Variants in UNC5B observed in about 807,000 individuals in gnomAD.
UNC5B encodes the protein netrin receptor UNC5B.
In UNC5B, 56 loss-of-function variants were observed where a neutral mutation model predicts 103.7. The observed-to-expected ratio is 0.54, with a 90% CI of 0.44 to 0.67. The LOEUF (loss-of-function observed/expected upper bound fraction) is 0.67, where lower values mean the gene tolerates loss of function less well. Among genes scored for constraint, UNC5B ranks in the 30% least tolerant of loss-of-function variants. The pLI is 0.00. For synonymous variants in UNC5B, 577 were observed against 542.0 expected (o/e 1.06, Z -0.90); for missense variants, 1,194 against 1,284.5 (o/e 0.93, Z 1.08).
chr10:71,249,148 C>T (rs149674440), intron 1 of UNC5B, among the ~76,000 whole-genome samples: 5 of 152,332 alleles, frequency 3.3e-5, no homozygotes, highest in African/African-American at 4.8e-5. Flanking sequence ...CAGGGTTGAA[C>T]GCACTCATGA....
intron 1 of UNC5B, among the ~76,000 whole-genome samples, chr10:71,252,584 G>A (rs10823709): frequency 0.19 from 29,388 of 152,192 alleles, 3,412 homozygotes; most frequent in Non-Finnish European, 0.27. Flanking sequence ...TATGTGCCAG[G>A]CACTGCGCGA....
chr10:71,299,126 T>G lies in UNC5B; in HGVS notation c.2687T>G (p.Phe896Cys), dbSNP rs1181477913. 8.7e-6 allele frequency: 14 copies of G among 1,614,068 alleles called. No homozygotes were observed. Among genetic ancestry groups the G allele is most frequent in the Non-Finnish European group, 1.2e-5 (14 of 1,180,034 alleles). ...KLSMDRYLNY[F>C]ATKASPTGVI... ...CCCTCTGCCAGGTACCTGAATTACTTTGCCACCAAAGCGAGCCCCACGGGT... is the reference window on the plus strand; with the variant it reads ...CCCTCTGCCAGGTACCTGAATTACTGTGCCACCAAAGCGAGCCCCACGGGT... Residue 896 changes from phenylalanine to cysteine, a missense_variant, in exon 17 of 17, where the codon TTT (phenylalanine) becomes TGT (cysteine). By Grantham distance (205) the Phe-to-Cys change is radical (BLOSUM62 -2). Transcript: ENST00000335350.
rs758362922 is a variant in UNC5B at position 71,302,099 on chromosome 10, C to T, written c.*2822C>T. 1 of 145,386 alleles carries T rather than the reference C, an allele frequency of 6.9e-6. No homozygotes were observed. Among genetic ancestry groups the T allele is most frequent in the Admixed American group, 6.8e-5 (1 of 14,632 alleles). The allele number at this position is 145,386 out of a possible 1,614,324, so 9.0% of individuals were successfully genotyped here. On this transcript the variant is annotated 3_prime_UTR_variant, in exon 17 of 17. Transcript: ENST00000335350. ...ATGCCCAGAAAGGCTTTGCCGACTCCATCCGTCTGTGGAGGCTGCCTGCCT... is the reference window on the plus strand; with the variant it reads ...ATGCCCAGAAAGGCTTTGCCGACTCTATCCGTCTGTGGAGGCTGCCTGCCT...
At chr10:71,248,615 A>G (rs1259496991) in intron 1 of UNC5B, among the ~76,000 whole-genome samples, 8 of 152,196 alleles carry the variant, frequency 5.3e-5, no homozygotes, top group Non-Finnish European at 1.2e-4. Context: ...AACAACCCCC[A>G]GTAGACCGGC....
Position 71,213,065 on chromosome 10 carries a change from G to A in UNC5B, c.79+1G>A. The A allele has an allele frequency of 7.2e-7, 1 of 1,379,606 alleles. No individual in the cohort carries two copies. The highest frequency in any genetic ancestry group is 9.4e-7 in the Non-Finnish European group (1 of 1,059,252). 85.5% of individuals were successfully genotyped at this position (1,379,606 alleles called of 1,614,324 possible). A position where few individuals can be genotyped will look rare whatever the true frequency, so the allele number is the denominator to read the frequency against. On this transcript the variant is annotated splice_donor_variant, in intron 1 of 16. Coordinates refer to ENST00000335350, the MANE Select transcript of UNC5B (RefSeq NM_170744.5). LOFTEE classifies it high-confidence loss of function. The surrounding 1 kb of genome is among the most constrained non-coding windows in gnomAD (Gnocchi z 4.1). ...TGGGACCCGAGGCTGAGCCAAGCAG[G>A]TAGGAAGCGATCGGGTCTGGGGGCG...
chr10:71,261,913 G>T (rs1374454137), intron 1 of UNC5B, among the ~76,000 whole-genome samples: 1 of 151,794 alleles, frequency 6.6e-6, no homozygotes, highest in Non-Finnish European at 1.5e-5. Context: ...TTAGATGGGG[G>T]CTCTGACGGG....
chr10:71,291,816 G>C lies in UNC5B; in HGVS notation c.1679G>C (p.Gly560Ala). 2 of 1,592,982 alleles carry C rather than the reference G, an allele frequency of 1.3e-6. No individual in the cohort carries two copies. Among genetic ancestry groups the C allele is most frequent in the Non-Finnish European group, 1.7e-6 (2 of 1,175,120 alleles). Residue 560 changes from glycine (G) to alanine (A), a missense_variant, in exon 10 of 17, where the codon GGC (glycine) becomes GCC (alanine). By Grantham distance (60) the Gly-to-Ala change is moderately conservative. Coordinates refer to ENST00000335350, the MANE Select transcript of UNC5B (RefSeq NM_170744.5). ...GCLGGRLSIP[G>A]TGVSLLVPNG... ...CTGGGTGGGAGGCTCAGCATCCCCG[G>C]CACAGGTGAGCCCCTGCCCTGCTTG...
chr10:71,220,555 G>A (rs754009788), intron 1 of UNC5B, among the ~76,000 whole-genome samples: 4 of 152,210 alleles, frequency 2.6e-5, no homozygotes, highest in Non-Finnish European at 4.4e-5. Flanking sequence ...CGGCCTCCCA[G>A]CATTGTCACT....
chr10:71,286,823 C>T lies in UNC5B; in HGVS notation c.687C>T (p.Asn229=). The T allele has an allele frequency of 1.2e-6, 2 of 1,614,174 alleles. No individual in the cohort carries two copies. The highest frequency in any genetic ancestry group is 2.2e-5 in the South Asian group (2 of 91,070). ...DTANYTCVAK[N]IVAKRRSTTA... is the part of the protein sequence containing the mutation. ...CCAACTATACCTGCGTGGCCAAGAA[C>T]ATCGTGGCCAAACGCCGGAGCACCA... Residue 229 remains asparagine, a synonymous_variant, in exon 5 of 17, where the codon AAC becomes AAT. Transcript: ENST00000335350.
At chr10:71,284,559 ATGAAGCT>A (rs1231152679) in intron 2 of UNC5B, among the ~76,000 whole-genome samples, 154 bp from the exon 3 acceptor site, 1 of 152,200 alleles carries the variant, frequency 6.6e-6, no homozygotes, top group Non-Finnish European at 1.5e-5. Context: ...GTGAGTGGCC[ATGAAGCT>A]TGAGCCAGGG....
intron 1 of UNC5B, among the ~76,000 whole-genome samples, chr10:71,245,305 T>G (rs1276761675): frequency 1.3e-5 from 2 of 152,176 alleles, no homozygotes; most frequent in Admixed American, 1.3e-4. Flanking sequence ...CAGACCACAA[T>G]CAGTCTGCGT....
At chr10:71,266,474 C>A (rs1411113773) in intron 1 of UNC5B, among the ~76,000 whole-genome samples, 1 of 152,168 alleles carries the variant, frequency 6.6e-6, no homozygotes, top group Non-Finnish European at 1.5e-5. Context: ...CCAAGGCGGC[C>A]CAGCGATTAC....
At chr10:71,252,480 C>T (rs1844195436) in intron 1 of UNC5B, among the ~76,000 whole-genome samples, 1 of 152,174 alleles carries the variant, frequency 6.6e-6, no homozygotes, top group Admixed American at 6.5e-5. Context: ...CCTGTGAAGG[C>T]GGGACTGGTA....
At chr10:71,267,472 G>T (rs1844548349) in intron 1 of UNC5B, among the ~76,000 whole-genome samples, 1 of 152,194 alleles carries the variant, frequency 6.6e-6, no homozygotes, top group African/African-American at 2.4e-5. Context: ...GATGGTGGGT[G>T]GGCAGGCAAA....
intron 1 of UNC5B, among the ~76,000 whole-genome samples, chr10:71,243,004 G>C (rs908117357): frequency 6.6e-6 from 1 of 152,106 alleles, no homozygotes; most frequent in African/African-American, 2.4e-5. Flanking sequence ...AGGCTGAAGC[G>C]GGCGGATCAC....
At chr10:71,236,183 T>C (rs1843771400) in intron 1 of UNC5B, among the ~76,000 whole-genome samples, 1 of 152,228 alleles carries the variant, frequency 6.6e-6, no homozygotes, top group Non-Finnish European at 1.5e-5. Context: ...CACCTTGGCT[T>C]ACAGTAGGTG....
At chr10:71,215,823 G>A (rs963035966) in intron 1 of UNC5B, among the ~76,000 whole-genome samples, 3 of 148,810 alleles carry the variant, frequency 2.0e-5, no homozygotes, top group Non-Finnish European at 4.4e-5. Context: ...GTGTGTGTGT[G>A]TGTGTGTGTG....
chr10:71,271,001 G>C (rs1844633808), intron 1 of UNC5B, among the ~76,000 whole-genome samples: 1 of 152,216 alleles, frequency 6.6e-6, no homozygotes, highest in Admixed American at 6.5e-5. Context: ...CTGGGCATGT[G>C]TGTGTCTGAG....
intron 1 of UNC5B, among the ~76,000 whole-genome samples, chr10:71,256,602 G>A (rs987770068): frequency 2.6e-5 from 4 of 152,210 alleles, no homozygotes; most frequent in Admixed American, 2.0e-4. Flanking sequence ...GTGGGGACTC[G>A]GGCGTGCAGA....
Sources: allele counts gnomAD v4.1 joint callset (sites outside exome capture counted in the v4.1 genomes callset), GRCh38; gene constraint gnomAD v4.1.1; non-coding constraint Gnocchi (gnomAD v3.1); transcripts MANE v1.5; gene names NCBI Gene and HGNC (gene_info 2026-07-23, HGNC 2026-07-21).